ST18: variants seen among roughly 807,000 people sequenced by gnomAD.
ST18 encodes suppression of tumorigenicity 18 protein.
ST18 carries 50 observed loss-of-function variants against 110.0 expected under a neutral mutation model. The observed-to-expected ratio is 0.45, with a 90% CI of 0.36 to 0.58. ST18 has a LOEUF of 0.58. Among genes scored for constraint, ST18 ranks in the 20% least tolerant of loss-of-function variants. ST18 has a pLI of 0.00. For missense variants in ST18, 1,306 were observed against 1,280.1 expected (o/e 1.02, Z -0.31); for synonymous variants, 461 against 452.4 (o/e 1.02, Z -0.24).
intron 2 of ST18, among the ~76,000 whole-genome samples, chr8:52,278,075 T>C (rs16917621): frequency 0.011 from 1,685 of 152,286 alleles, 32 homozygotes; most frequent in African/African-American, 0.038. Flanking sequence ...TAGCTGATAA[T>C]AACAATACCA....
At chr8:52,243,469 C>A (rs771748235) in intron 2 of ST18, among the ~76,000 whole-genome samples, 1 of 152,126 alleles carries the variant, frequency 6.6e-6, no homozygotes, top group Non-Finnish European at 1.5e-5. Context: ...CCTCTCTATT[C>A]TGTTCCCAGA....
intron 2 of ST18, among the ~76,000 whole-genome samples, chr8:52,244,448 G>A (rs2137830722): frequency 6.6e-6 from 1 of 152,282 alleles, no homozygotes; most frequent in African/African-American, 2.4e-5. Context: ...TTTGTTTAGA[G>A]TTGGAACCTG....
intron 2 of ST18, among the ~76,000 whole-genome samples, chr8:52,370,848 C>T (rs1165379541): frequency 6.6e-6 from 1 of 152,122 alleles, no homozygotes; most frequent in Non-Finnish European, 1.5e-5. Context: ...TAGATCCCCA[C>T]CAATTAATTT....
chr8:52,158,800 G>A, intron 15 of ST18, 98 bp downstream of exon 15: 1 of 1,370,638 alleles, frequency 7.3e-7, no homozygotes, highest in South Asian at 1.2e-5. Context: ...CAGAGGTTGG[G>A]GAGCAGAGTG....
intron 3 of ST18, among the ~76,000 whole-genome samples, chr8:52,227,520 T>C (rs551712270): frequency 9.2e-5 from 14 of 152,208 alleles, no homozygotes; most frequent in Non-Finnish European, 1.6e-4. Flanking sequence ...CAAAGACCAA[T>C]TGAAAGGACA....
At chr8:52,397,499 T>G (rs73586663) in intron 2 of ST18, among the ~76,000 whole-genome samples, 1,953 of 152,308 alleles carry the variant, frequency 0.013, 40 homozygotes, top group African/African-American at 0.044. Flanking sequence ...GGCCTGAGGC[T>G]TTTGGAGTGA....
intron 8 of ST18, among the ~76,000 whole-genome samples, chr8:52,192,869 C>T (rs565524777): frequency 7.2e-5 from 11 of 152,266 alleles, no homozygotes; most frequent in Admixed American, 2.0e-4. Flanking sequence ...TTTTCTGTCA[C>T]CTGGGTTCTT....
intron 9 of ST18, among the ~76,000 whole-genome samples, chr8:52,172,882 G>A (rs2065495013): frequency 6.6e-6 from 1 of 151,998 alleles, no homozygotes; most frequent in Non-Finnish European, 1.5e-5. Flanking sequence ...GTACTTCTGG[G>A]GTATTGACCA....
intron 8 of ST18, among the ~76,000 whole-genome samples, chr8:52,191,997 A>G (rs1299419276): frequency 1.3e-5 from 2 of 152,094 alleles, no homozygotes; most frequent in African/African-American, 2.4e-5. Flanking sequence ...GCATTAATCC[A>G]CCCACAGACA....
intron 2 of ST18, among the ~76,000 whole-genome samples, chr8:52,237,766 A>G (rs964439456): frequency 6.6e-6 from 1 of 152,230 alleles, no homozygotes; most frequent in Non-Finnish European, 1.5e-5. Flanking sequence ...TTGAGGCAGG[A>G]ATGACCTTTG....
intron 2 of ST18, chr8:52,407,108 T>A (rs1197016876): frequency 6.6e-6 from 1 of 152,236 alleles, no homozygotes; most frequent in Non-Finnish European, 1.5e-5. Flanking sequence ...GCATAGACGA[T>A]GAAACTAGAG....
intron 2 of ST18, among the ~76,000 whole-genome samples, chr8:52,240,524 C>T (rs1203047369): frequency 1.3e-5 from 2 of 152,150 alleles, no homozygotes; most frequent in African/African-American, 2.4e-5. Flanking sequence ...GATGGGTTCT[C>T]CACTGGGCTC....
chr8:52,206,530 G>A (rs889209134), intron 8 of ST18: 5 of 152,200 alleles, frequency 3.3e-5, no homozygotes, highest in Admixed American at 6.5e-5. Flanking sequence ...TGTTCCACAC[G>A]GAGCCCCTCC....
Position 52,136,604 on chromosome 8 carries a change from G to T in ST18, c.2286C>A (p.Asn762Lys), listed in dbSNP as rs750839909. 1.9e-6 allele frequency: 3 copies of T among 1,611,226 alleles called. No homozygotes were observed. Among genetic ancestry groups the T allele is most frequent in the Non-Finnish European group, 2.5e-6 (3 of 1,179,034 alleles). The change falls in exon 19 of 26, where the codon AAC becomes AAA. Residue 762 changes from asparagine to lysine, a missense_variant. Asn to Lys is a moderately conservative substitution (Grantham distance 94, BLOSUM62 0). Coordinates refer to ENST00000689386, the MANE Select transcript of ST18 (RefSeq NM_001352837.2). ...CCCGCACTTACTTAAGCTCCTGAGAGTTGGCAGCCATGAGGGATTTTAGAG... is the reference window on the plus strand; with the variant it reads ...CCCGCACTTACTTAAGCTCCTGAGATTTGGCAGCCATGAGGGATTTTAGAG... ...DKTLKSLMAANSQELKCPTPG... is the reference protein window; with the variant it reads ...DKTLKSLMAAKSQELKCPTPG...
At chr8:52,289,044 A>C (rs2095513787) in intron 2 of ST18, among the ~76,000 whole-genome samples, 1 of 152,208 alleles carries the variant, frequency 6.6e-6, no homozygotes, top group Non-Finnish European at 1.5e-5. Flanking sequence ...CCTGTACTGC[A>C]ATGAAAGGTA....
intron 9 of ST18, among the ~76,000 whole-genome samples, chr8:52,174,027 T>C (rs1381945144): frequency 1.3e-5 from 2 of 152,222 alleles, no homozygotes; most frequent in Non-Finnish European, 2.9e-5. Context: ...ATTGCCATAG[T>C]AACTAAAAGC....
intron 2 of ST18, among the ~76,000 whole-genome samples, chr8:52,265,189 GA>G (rs2094827549): frequency 6.6e-6 from 1 of 152,290 alleles, no homozygotes; most frequent in East Asian, 1.9e-4. Flanking sequence ...GGCAACTGCC[GA>G]AGCCCTAAGG....
chr8:52,130,404 C>T (rs983377146), intron 22 of ST18, among the ~76,000 whole-genome samples: 2 of 152,172 alleles, frequency 1.3e-5, no homozygotes, highest in Admixed American at 1.3e-4. Context: ...AATCGTCCTG[C>T]CTCAGCCTCC....
At chr8:52,132,973 GT>G in intron 21 of ST18, 83 bp downstream of exon 21, 1 of 1,435,844 alleles carries the variant, frequency 7.0e-7, no homozygotes, top group Non-Finnish European at 9.7e-7. Flanking sequence ...AACTCAATCC[GT>G]GTTCAATTGC....
Sources: gnomAD v4.1 joint callset for allele counts (sites outside exome capture counted in the v4.1 genomes callset) on GRCh38, gnomAD v4.1.1 for gene constraint, MANE v1.5 for transcripts, NCBI Gene and HGNC (gene_info 2026-07-23, HGNC 2026-07-21) for gene names.